NBPF9: variants seen among roughly 807,000 people sequenced by gnomAD.
NBPF9 encodes the protein NBPF member 9.
Under a neutral mutation model 97.8 loss-of-function variants are expected in NBPF9, and 91 were observed. The observed-to-expected ratio is 0.93, with a 90% CI of 0.79 to 1.11. The LOEUF is 1.11. Ranked by LOEUF, NBPF9 falls within the 50% of genes least tolerant of loss-of-function variation. The pLI is 0.00. For missense variants in NBPF9, 992 were observed against 939.5 expected (o/e 1.06, Z -0.73); for synonymous variants, 334 against 359.5 (o/e 0.93, Z 0.80).
chr1:149,074,019 A>G (rs1478715821), intron 12 of NBPF9, 149 bp from the exon 13 acceptor site: 47 of 594,052 alleles, frequency 7.9e-5, no homozygotes, highest in Non-Finnish European at 1.3e-4. Flanking sequence ...TTTACTCTTC[A>G]GTCTCCTGAC....
At chr1:149,103,017 C>T (rs1181906881) in intron 1 of NBPF9, among the ~76,000 whole-genome samples, 170 bp from the exon 2 acceptor site, 3 of 151,924 alleles carry the variant, frequency 2.0e-5, no homozygotes, top group Non-Finnish European at 4.4e-5. Context: ...GACGTGCCCC[C>T]GAAGCTGCTC....
intron 17 of NBPF9, among the ~76,000 whole-genome samples, chr1:149,068,083 T>C (rs2079145718): frequency 6.8e-6 from 1 of 147,120 alleles, no homozygotes; most frequent in Non-Finnish European, 1.5e-5. Context: ...TGCTGACAGA[T>C]TTTGTCACCA....
intron 4 of NBPF9, among the ~76,000 whole-genome samples, chr1:149,095,802 C>A (rs1249007661): frequency 1.3e-5 from 2 of 151,974 alleles, no homozygotes; most frequent in African/African-American, 2.4e-5. Flanking sequence ...GGTGAACACA[C>A]CAAATGCTGT....
At position 149,062,556 on chromosome 1, in the gene NBPF9, G is replaced by A. The variant is rs587621053; in HGVS notation, c.2079-291C>T. Among the ~76,000 whole-genome samples the A allele has an allele frequency of 3.4e-4, 48 of 141,342 alleles. No individual in the cohort carries two copies. In the East Asian group the frequency reaches 7.8e-3, roughly 23 times the overall value. 92.7% of individuals were successfully genotyped at this position (141,342 alleles called of 152,430 possible). ...AAGGACACTCTGAGTTAGTGCCCTC[G>A]GGACACACAGCGAACAGTGATCATG... On this transcript the variant is annotated intron_variant, in intron 21 of 29. Transcript: ENST00000584027.
At position 149,062,216 on chromosome 1, in the gene NBPF9, A is replaced by T. The variant is rs782632784; in HGVS notation, c.2128T>A (p.Ser710Thr). The T allele has an allele frequency of 3.0e-6, 3 of 1,000,988 alleles. No individual in the cohort carries two copies. In the East Asian group the frequency reaches 7.2e-5, roughly 24 times the overall value. The allele number at this position is 1,000,988 out of a possible 1,614,324, so 62.0% of individuals were successfully genotyped here. ...GGAGTCGAATACCATCTACCCAGTG[A>T]GTCCTGCAAGACTTCAGGCTCTTTC... The change falls in exon 22 of 30, where the codon TCA (serine) becomes ACA (threonine). Residue 710 changes from serine (S) to threonine (T), a missense_variant. This residue lies in a region of NBPF9 where 397 missense variants were observed against 213.6 expected (regional missense o/e 1.86). Transcript: ENST00000584027.
At chr1:149,069,712 G>C in intron 16 of NBPF9, 67 bp from the exon 17 acceptor site, 4 of 881,044 alleles carry the variant, frequency 4.5e-6, no homozygotes, top group Non-Finnish European at 7.6e-6. Context: ...ACAAATCACT[G>C]TCCAGTCATA....
At chr1:149,061,608 A>G (rs1448929205) in intron 22 of NBPF9, 1 of 278,068 alleles carries the variant, frequency 3.6e-6, no homozygotes, top group East Asian at 6.8e-5. Flanking sequence ...TTATCCCAAA[A>G]TCATTTATCC....
intron 12 of NBPF9, among the ~76,000 whole-genome samples, chr1:149,075,380 C>T (rs1410404907): frequency 2.0e-5 from 3 of 152,224 alleles, no homozygotes; most frequent in Non-Finnish European, 2.9e-5. Flanking sequence ...GATTGAGCCT[C>T]TTGGAGAAAA....
At chr1:149,084,881 G>A (rs1230642074) in intron 5 of NBPF9, among the ~76,000 whole-genome samples, 3 of 150,748 alleles carry the variant, frequency 2.0e-5, no homozygotes, top group Non-Finnish European at 4.4e-5. Context: ...CATCGGTGGA[G>A]CCCCCACCTT....
intron 4 of NBPF9, among the ~76,000 whole-genome samples, chr1:149,093,472 C>T (rs1337494349): frequency 1.9e-4 from 28 of 151,304 alleles, no homozygotes; most frequent in East Asian, 7.9e-4. Context: ...TCCCTTCCCA[C>T]GAGGCTGTAT....
Position 149,076,843 on chromosome 1 carries a change from GGA to G in NBPF9, c.778+363_778+364del, listed in dbSNP as rs1223685787. ...AATAGCTAAGACAAGCCAATGAAAA[GGA>G]GAGAGAGTCTAGCCTGACAGAAGTG... On this transcript the variant is annotated intron_variant, in intron 11 of 29. Transcript: ENST00000584027. Among the ~76,000 whole-genome samples the G allele has an allele frequency of 7.9e-5, 12 of 151,038 alleles. No homozygotes were observed. The East Asian group carries it at 2.1e-3, about 27-fold the overall frequency.
At chr1:149,083,691 AT>A (rs1296335215) in intron 5 of NBPF9, among the ~76,000 whole-genome samples, 16 of 152,120 alleles carry the variant, frequency 1.1e-4, no homozygotes, top group African/African-American at 3.4e-4. Context: ...TTTTGCTGTA[AT>A]ATATAGCAAA....
chr1:149,073,326 G>T (rs3979914), intron 13 of NBPF9, among the ~76,000 whole-genome samples: 1 of 140,410 alleles, frequency 7.1e-6, no homozygotes, highest in Admixed American at 7.2e-5. Flanking sequence ...AGGGGCAGAT[G>T]GGGCGAATTG....
rs1428873805 is a variant in NBPF9 at position 149,068,223 on chromosome 1, G to A, written c.1637+1371C>T. On this transcript the variant is annotated intron_variant, in intron 17 of 29. Coordinates refer to ENST00000584027, the Ensembl canonical transcript of NBPF9. ...CTAGGAAGAAACTGCATCAACTAAC[G>A]GGTGAAATAACCAGCTAACATCATA... Among the ~76,000 whole-genome samples the A allele has an allele frequency of 2.1e-3, 317 of 148,418 alleles. 6 individuals carry two copies. The highest frequency in any genetic ancestry group is 0.01 in the Middle Eastern group (3 of 292).
chr1:149,072,665 G>C, intron 14 of NBPF9, 53 bp downstream of exon 14: 1 of 1,576,166 alleles, frequency 6.3e-7, no homozygotes. Context: ...TGGAGGTCTG[G>C]AGCCTCTCAT....
exon 30 of NBPF9, chr1:149,055,443 C>G: frequency 8.9e-6 from 7 of 787,646 alleles, no homozygotes; most frequent in South Asian, 1.8e-5. Flanking sequence ...ATGTGCTGCA[C>G]AGTTATGTGA....
chr1:149,073,961 G>A (rs1452623602), intron 12 of NBPF9, 91 bp from the exon 13 acceptor site: 8 of 757,126 alleles, frequency 1.1e-5, no homozygotes, highest in African/African-American at 3.4e-5. Flanking sequence ...TCCATCCCAA[G>A]GACAAAACTC....
At chr1:149,064,000 A>ACACACG (rs2078835697) in intron 19 of NBPF9, among the ~76,000 whole-genome samples, 195 bp from the exon 20 acceptor site, 1 of 108,512 alleles carries the variant, frequency 9.2e-6, no homozygotes, top group Admixed American at 8.9e-5. Context: ...AAAGACACAC[A>ACACACG]CACACACACA....
chr1:149,074,707 G>A (rs1255554046), intron 12 of NBPF9, among the ~76,000 whole-genome samples: 7 of 151,306 alleles, frequency 4.6e-5, no homozygotes, highest in South Asian at 4.2e-4. Flanking sequence ...TCTCGGGTGC[G>A]AACTTTCTTC....
Sources: gnomAD v4.1 joint callset for allele counts (sites outside exome capture counted in the v4.1 genomes callset) on GRCh38, gnomAD v4.1.1 for gene constraint, gnomAD v4.1.1 regional missense constraint, MANE v1.5 for transcripts, NCBI Gene and HGNC (gene_info 2026-07-23, HGNC 2026-07-21) for gene names.